TRDMT1: variants seen among roughly 807,000 people sequenced by gnomAD.
TRDMT1 encodes the protein tRNA aspartic acid methyltransferase 1.
A neutral mutation model predicts 51.2 loss-of-function variants in TRDMT1; 49 were observed. The observed-to-expected ratio is 0.96, with a 90% confidence interval of 0.76 to 1.21. The LOEUF (loss-of-function observed/expected upper bound fraction) is 1.21, where lower values mean the gene tolerates loss of function less well. Ranked by LOEUF, TRDMT1 falls within the 50% of genes most tolerant of loss-of-function variation. The pLI is 0.00. For missense variants in TRDMT1, 534 were observed against 462.3 expected (o/e 1.16, Z -1.42); for synonymous variants, 187 against 164.6 (o/e 1.14, Z -1.04).
Position 17,137,910 on chromosome 10 carries a change from G to C in TRDMT1, c.*11130C>G, listed in dbSNP as rs1260791882. 2.0e-5 allele frequency among the ~76,000 whole-genome samples: 3 copies of C among 152,096 alleles called. No individual in the cohort carries two copies. The highest frequency in any genetic ancestry group is 4.4e-5 in the Non-Finnish European group (3 of 68,028). On this transcript the variant is annotated 3_prime_UTR_variant, in exon 11 of 11. Coordinates refer to ENST00000377799, the MANE Select transcript of TRDMT1 (RefSeq NM_004412.7). ...AGGAAAGTGGCTGGGTAAAGGAAGA[G>C]ACATCGACAGAAGGCCTTAAGTGGC...
chr10:17,157,377 G>T (rs556913979), intron 8 of TRDMT1, 64 bp downstream of exon 8: 3 of 1,404,628 alleles, frequency 2.1e-6, no homozygotes, highest in East Asian at 2.4e-5. Flanking sequence ...AGAACTTAAA[G>T]AAACAATAGC....
chr10:17,154,584 T>TTGAA (rs1334683687), intron 9 of TRDMT1, 93 bp downstream of exon 9: 27 of 811,350 alleles, frequency 3.3e-5, no homozygotes. Flanking sequence ...TCATGGCCAG[T>TTGAA]TGAATGCATA....
intron 1 of TRDMT1, among the ~76,000 whole-genome samples, chr10:17,182,827 A>T (rs1229360438): frequency 1.3e-5 from 2 of 152,210 alleles, no homozygotes; most frequent in Non-Finnish European, 2.9e-5. Flanking sequence ...TAGAAATTTC[A>T]TTACAAGCAA....
chr10:17,187,139 T>G (rs1204875862), intron 1 of TRDMT1, among the ~76,000 whole-genome samples: 1 of 152,204 alleles, frequency 6.6e-6, no homozygotes, highest in East Asian at 1.9e-4. Flanking sequence ...TGCTGTATCC[T>G]CACCATACAA....
In TRDMT1 at chr10:17,168,932, T is replaced by C. The variant is rs1841597094; in HGVS notation, c.175-15A>G. ...AGTGTAATGCCCTGAGGAATGAACA[T>C]TTAGGGGGAAAAAAGAACATAAAAA... On this transcript the variant is annotated splice_polypyrimidine_tract_variant and intron_variant, in intron 2 of 10. Transcript: ENST00000377799. The C allele has an allele frequency of 1.9e-6, 3 of 1,561,958 alleles. No homozygotes were observed. The highest frequency in any genetic ancestry group is 2.2e-5 in the East Asian group (1 of 44,532).
In TRDMT1 at chr10:17,168,855, G is replaced by A. The variant is rs766528223; in HGVS notation, c.237C>T (p.Cys79=). Residue 79 remains cysteine, a synonymous_variant, in exon 3 of 11, where the codon TGC becomes TGT. Coordinates refer to ENST00000377799, the MANE Select transcript of TRDMT1 (RefSeq NM_004412.7). ...ATGACACATACCTTGTGAATGGCTG[G>A]CAGGGAGGGCTCATTAAAATCATAT... The part of the protein sequence containing the change: ...SFDMILMSPP[C]QPFTRIGRQG... The A allele has an allele frequency of 1.9e-6, 3 of 1,610,864 alleles. No homozygotes were observed. The highest frequency in any genetic ancestry group is 4.5e-5 in the East Asian group (2 of 44,820).
intron 1 of TRDMT1, among the ~76,000 whole-genome samples, chr10:17,175,164 C>G (rs1055711051): frequency 1.3e-5 from 2 of 152,054 alleles, no homozygotes; most frequent in Non-Finnish European, 2.9e-5. Context: ...TCACATTTGA[C>G]AAAATTCACC....
At chr10:17,182,291 A>G (rs1452825288) in intron 1 of TRDMT1, among the ~76,000 whole-genome samples, 1 of 152,218 alleles carries the variant, frequency 6.6e-6, no homozygotes, top group Non-Finnish European at 1.5e-5. Flanking sequence ...ACATGATTTG[A>G]GCCCCTGCTT....
chr10:17,169,423 C>T, intron 2 of TRDMT1: 2 of 1,287,722 alleles, frequency 1.6e-6, no homozygotes, highest in Non-Finnish European at 2.0e-6. Context: ...CTCAGATATC[C>T]ACAATTATTT....
chr10:17,178,304 C>T (rs7084149), intron 1 of TRDMT1, among the ~76,000 whole-genome samples: 144,262 of 152,238 alleles, frequency 0.95, 68,725 homozygotes, highest in Non-Finnish European at 1. Context: ...CGTACAGACC[C>T]ATAAGGATCT....
chr10:17,178,618 G>C (rs1842899399), intron 1 of TRDMT1, among the ~76,000 whole-genome samples: 1 of 148,894 alleles, frequency 6.7e-6, no homozygotes, highest in Non-Finnish European at 1.5e-5. Context: ...AGCGGGTACA[G>C]TGAGCTGAGA....
At chr10:17,151,997 C>T (rs1290893686) in intron 10 of TRDMT1, 2 of 1,295,530 alleles carry the variant, frequency 1.5e-6, no homozygotes, top group Non-Finnish European at 2.0e-6. Flanking sequence ...AAAGTGACTA[C>T]TGCCCTTTGA....
intron 1 of TRDMT1, among the ~76,000 whole-genome samples, chr10:17,186,936 G>A (rs530411464): frequency 6.6e-6 from 1 of 152,258 alleles, no homozygotes; most frequent in African/African-American, 2.4e-5. Context: ...TTATTTTAAT[G>A]TTCATGGTCA....
rs565800464 is a variant in TRDMT1, at chr10:17,147,937, G to A, written c.*1103C>T. 3.1e-6 allele frequency: 3 copies of A among 958,804 alleles called. No homozygotes were observed. The South Asian group carries it at 1.4e-4, about 46-fold the overall frequency. 59.4% of individuals were successfully genotyped at this position (958,804 alleles called of 1,614,324 possible). On this transcript the variant is annotated 3_prime_UTR_variant, in exon 11 of 11. Coordinates refer to ENST00000377799, the MANE Select transcript of TRDMT1 (RefSeq NM_004412.7). ...ACCATTTTACGTTCCCACAAGCAAT[G>A]CACAAACTTCCAATTTATCCACCTC...
Position 17,146,770 on chromosome 10 carries a change from T to G in TRDMT1, c.*2270A>C. On this transcript the variant is annotated 3_prime_UTR_variant, in exon 11 of 11. Coordinates refer to ENST00000377799, the MANE Select transcript of TRDMT1 (RefSeq NM_004412.7). ...AACAGAATTTCCAGTGCAAATTTTA[T>G]ATACAGCATTATTACCAAAAGCATA... The G allele has an allele frequency of 1.0e-6, 1 of 985,470 alleles. No homozygotes were observed. The highest frequency in any genetic ancestry group is 1.2e-6 in the Non-Finnish European group (1 of 829,936). The allele number at this position is 985,470 out of a possible 1,614,324, so 61.0% of individuals were successfully genotyped here.
At chr10:17,159,359 T>C in intron 6 of TRDMT1, 130 bp from the exon 7 acceptor site, 1 of 556,262 alleles carries the variant, frequency 1.8e-6, no homozygotes, top group Admixed American at 3.4e-5. Context: ...ACAGCAAAAT[T>C]TGCTACGGAT....
chr10:17,179,174 C>T (rs1050857714), intron 1 of TRDMT1, among the ~76,000 whole-genome samples: 17 of 152,070 alleles, frequency 1.1e-4, no homozygotes, highest in African/African-American at 3.9e-4. Context: ...GTAATCTTTC[C>T]GGAACGTCTC....
intron 1 of TRDMT1, among the ~76,000 whole-genome samples, chr10:17,199,460 G>A (rs969366748): frequency 6.6e-6 from 1 of 152,216 alleles, no homozygotes; most frequent in African/African-American, 2.4e-5. Flanking sequence ...AACTTCGAGG[G>A]TTTGAGGAGT....
At chr10:17,182,710 C>T (rs1410986743) in intron 1 of TRDMT1, among the ~76,000 whole-genome samples, 1 of 152,136 alleles carries the variant, frequency 6.6e-6, no homozygotes, top group African/African-American at 2.4e-5. Flanking sequence ...GAGAGAGCTA[C>T]TTATAAACTA....
Sources: allele counts gnomAD v4.1 joint callset (sites outside exome capture counted in the v4.1 genomes callset), GRCh38; gene constraint gnomAD v4.1.1; transcripts MANE v1.5; gene names NCBI Gene and HGNC (gene_info 2026-07-23, HGNC 2026-07-21).